The following TAF5L variants were observed in gnomAD, a reference collection of about 807,000 sequenced individuals.
TAF5L encodes the protein TATA-box binding protein associated factor 5 like, also known as TAF5-like RNA polymerase II p300/CBP-associated factor-associated factor 65 kDa subunit 5L.
Under a neutral mutation model 51.3 loss-of-function variants are expected in TAF5L, and 7 were observed. The ratio of observed to expected loss-of-function variants is 0.14; its 90% CI spans 0.08 to 0.26. The LOEUF (loss-of-function observed/expected upper bound fraction) is 0.26. Ranked by LOEUF, TAF5L falls within the 10% of genes least tolerant of loss-of-function variation. The pLI is 1.00. For missense variants in TAF5L, 575 were observed against 758.9 expected, an observed-to-expected ratio of 0.76 and a Z score of 2.85; for synonymous variants, 291 against 308.1, an observed-to-expected ratio of 0.94 and a Z score of 0.58.
chr1:229,623,656 G>C (rs1046905935), intron 1 of TAF5L, among the ~76,000 whole-genome samples: 1 of 152,156 alleles, frequency 6.6e-6, no homozygotes, highest in African/African-American at 2.4e-5. Flanking sequence ...CTACCACTAC[G>C]AATACTTAAC....
Position 229,614,027 on chromosome 1 carries a change from GTTAA to G in TAF5L, c.142+310_142+313del, listed in dbSNP as rs1001319924. 7 of 598,536 alleles carry G rather than the reference GTTAA, an allele frequency of 1.2e-5. No individual in the cohort carries two copies. The Admixed American group carries it at 1.5e-4, about 12-fold the overall frequency. 37.1% of individuals were successfully genotyped at this position (598,536 alleles called of 1,614,324 possible). ...GACCCTGTCCCTAAGGGTCTTGTAG[GTTAA>G]TTGTTTACAGAAGGAAAAAGTTGCA... On this transcript the variant is annotated intron_variant, in intron 2 of 4. Transcript: ENST00000258281.
chr1:229,602,890 T>C lies in TAF5L; in HGVS notation c.277A>G (p.Met93Val). 6.2e-7 allele frequency: 1 copy of C among 1,603,816 alleles called. No homozygotes were observed. The highest frequency in any genetic ancestry group is 1.1e-5 in the South Asian group (1 of 90,852). ...ACAAAGAGAGGATAGAGGAGAGGCA[T>C]CACTTCGTGGCTATGCTGGGAATCA... The change falls in exon 4 of 5, where the codon ATG (methionine) becomes GTG (valine). Residue 93 changes from methionine to valine, a missense_variant. By Grantham distance (21) the Met-to-Val change is conservative. Coordinates refer to ENST00000258281, the Ensembl canonical transcript of TAF5L. The surrounding 1 kb of genome is among the most constrained non-coding windows in gnomAD (Gnocchi z 4.6).
intron 1 of TAF5L, among the ~76,000 whole-genome samples, chr1:229,624,265 C>T (rs1196620717): frequency 6.6e-6 from 1 of 152,106 alleles, no homozygotes; most frequent in African/African-American, 2.4e-5. Context: ...CAAAACTATT[C>T]CAAGATACAC....
intron 3 of TAF5L, chr1:229,607,314 C>A: frequency 1.0e-6 from 1 of 985,388 alleles, no homozygotes. Context: ...CTCAAGATTG[C>A]CAAGCACTTT....
intron 3 of TAF5L, among the ~76,000 whole-genome samples, chr1:229,605,615 T>TTG (rs933843035): frequency 1.3e-5 from 2 of 151,956 alleles, no homozygotes; most frequent in African/African-American, 2.4e-5. Context: ...TGAAGGTATT[T>TTG]TTTTTTTTAG....
chr1:229,602,000 G>A, intron 4 of TAF5L, 195 bp downstream of exon 4: 1 of 1,413,774 alleles, frequency 7.1e-7, no homozygotes, highest in South Asian at 1.5e-5. Context: ...AGTTAATGCT[G>A]CTAAAAATTG....
intron 1 of TAF5L, among the ~76,000 whole-genome samples, chr1:229,614,898 T>C (rs2102761050): frequency 6.6e-6 from 1 of 152,128 alleles, no homozygotes; most frequent in East Asian, 1.9e-4. Context: ...AGCAGTGAAC[T>C]AGCCAAAAAA....
chr1:229,594,711 C>T lies in TAF5L; in HGVS notation c.1356G>A (p.Leu452=), dbSNP rs1480550253. ...CCGAGTTCCCCTGCTGAGCGCTCCA[C>T]AGCCGGACGGTCTTGTCGGTTGAGC... Residue 452 remains leucine, a synonymous_variant, in exon 5 of 5, where the codon CTG becomes CTA. Coordinates refer to ENST00000258281, the Ensembl canonical transcript of TAF5L. This position sits in a 1 kb window ranked among gnomAD's most constrained non-coding sequence, Gnocchi z 7.9. The T allele has an allele frequency of 1.2e-6, 2 of 1,614,110 alleles. No individual in the cohort carries two copies. The highest frequency in any genetic ancestry group is 1.7e-6 in the Non-Finnish European group (2 of 1,180,054).
At chr1:229,609,629 T>A (rs1664717952) in intron 3 of TAF5L, among the ~76,000 whole-genome samples, 4 of 152,240 alleles carry the variant, frequency 2.6e-5, no homozygotes. Context: ...GACTATTTAC[T>A]TGCACTTTTG....
intron 1 of TAF5L, among the ~76,000 whole-genome samples, chr1:229,619,488 A>G (rs1043051695): frequency 2.0e-5 from 3 of 152,202 alleles, no homozygotes; most frequent in Admixed American, 6.5e-5. Flanking sequence ...GCAGTGGTAG[A>G]AAGTAGGTGG....
At chr1:229,610,325 T>C in intron 2 of TAF5L, 115 bp from the exon 3 acceptor site, 1 of 890,154 alleles carries the variant, frequency 1.1e-6, no homozygotes, top group Non-Finnish European at 1.8e-6. Context: ...GCAACTGACA[T>C]TTCAGCAGGT....
chr1:229,600,448 T>C (rs1334064625), intron 4 of TAF5L: 2 of 985,488 alleles, frequency 2.0e-6, no homozygotes, highest in South Asian at 9.4e-5. Flanking sequence ...TTCTTCTTGA[T>C]GGACATCCAA....
Position 229,614,880 on chromosome 1 carries a change from C to T in TAF5L, c.-3-395G>A, listed in dbSNP as rs151141296. Among the ~76,000 whole-genome samples the T allele has an allele frequency of 9.7e-3, 1,474 of 152,108 alleles. 7 individuals carry two copies. The highest frequency in any genetic ancestry group is 0.014 in the Non-Finnish European group (932 of 68,000). ...TCTCCTGCCTACTCTGTGAGAGAGG[C>T]GTTAATTAGCAGTGAACTAGCCAAA... On this transcript the variant is annotated intron_variant, in intron 1 of 4. Transcript: ENST00000258281.
chr1:229,602,495 C>T lies in TAF5L; in HGVS notation c.672G>A (p.Glu224=). ...GAATAGGGCTGGGCATGTCGGGGGG[C>T]TCCAAACCGTTGTTCTCACTGCGGG... The change falls in exon 4 of 5, where the codon GAG becomes GAA. Residue 224 remains glutamate, a synonymous_variant. Coordinates refer to ENST00000258281, the Ensembl canonical transcript of TAF5L. This position sits in a 1 kb window ranked among gnomAD's most constrained non-coding sequence, Gnocchi z 4.6. 6.2e-7 allele frequency: 1 copy of T among 1,614,114 alleles called. No homozygotes were observed. The highest frequency in any genetic ancestry group is 8.5e-7 in the Non-Finnish European group (1 of 1,180,000).
chr1:229,601,553 C>A, intron 4 of TAF5L: 1 of 985,646 alleles, frequency 1.0e-6, no homozygotes, highest in Non-Finnish European at 1.2e-6. Flanking sequence ...CGGTTACAAG[C>A]CAAACAAGAT....
chr1:229,606,547 T>G, intron 3 of TAF5L: 3 of 985,418 alleles, frequency 3.0e-6, no homozygotes, highest in Non-Finnish European at 3.6e-6. Context: ...TCCTCTACCT[T>G]TCTTCAAGGT....
chr1:229,597,177 C>T (rs1664154818), intron 4 of TAF5L, among the ~76,000 whole-genome samples: 1 of 152,114 alleles, frequency 6.6e-6, no homozygotes, highest in Non-Finnish European at 1.5e-5. Context: ...AAAATGACAC[C>T]AGATGAATTA....
Position 229,594,421 on chromosome 1 carries a change from T to A in TAF5L, c.1646A>T (p.Asp549Val), listed in dbSNP as rs1664040136. The A allele has an allele frequency of 6.2e-7, 1 of 1,614,152 alleles. No individual in the cohort carries two copies. The highest frequency in any genetic ancestry group is 2.2e-5 in the East Asian group (1 of 44,880). Reference sequence around the variant, plus strand: ...GCCCACGAGCTCGCTGGAGGAGCCGTCGGCAGGTGCACTGCAGTAAGTGTT... The same window carrying A: ...GCCCACGAGCTCGCTGGAGGAGCCGACGGCAGGTGCACTGCAGTAAGTGTT... The change falls in exon 5 of 5, where the codon GAC (aspartate) becomes GTC (valine). Residue 549 changes from aspartate to valine, a missense_variant. Physicochemically the swap from Asp to Val is radical, Grantham distance 152. Coordinates refer to ENST00000258281, the Ensembl canonical transcript of TAF5L. The surrounding 1 kb of genome is among the most constrained non-coding windows in gnomAD (Gnocchi z 7.9).
intron 3 of TAF5L, chr1:229,606,914 A>C: frequency 1.0e-6 from 1 of 985,434 alleles, no homozygotes; most frequent in Non-Finnish European, 1.2e-6. Context: ...ATATAGACAT[A>C]GATACTCTTA....
Sources: allele counts gnomAD v4.1 joint callset (sites outside exome capture counted in the v4.1 genomes callset), GRCh38; gene constraint gnomAD v4.1.1; non-coding constraint Gnocchi (gnomAD v3.1); transcripts MANE v1.5; gene names NCBI Gene and HGNC (gene_info 2026-07-23, HGNC 2026-07-21).